Variants in SUMF1 observed in about 807,000 individuals in gnomAD.
SUMF1 encodes sulfatase modifying factor 1.
SUMF1 carries 48 observed loss-of-function variants against 47.6 expected under a neutral mutation model. That is an observed-to-expected ratio of 1.01 (90% CI 0.80 to 1.28). SUMF1 has a LOEUF of 1.28. Among genes scored for constraint, SUMF1 ranks in the 50% most tolerant of loss-of-function variants. SUMF1 has a pLI of 0.00. For missense variants in SUMF1, 571 were observed against 485.4 expected (o/e 1.18, Z -1.66); for synonymous variants, 230 against 192.1 (o/e 1.20, Z -1.63).
At chr3:4,401,785 T>C (rs1254658974) in intron 7 of SUMF1, among the ~76,000 whole-genome samples, 1 of 152,162 alleles carries the variant, frequency 6.6e-6, no homozygotes, top group Non-Finnish European at 1.5e-5. Flanking sequence ...CTTTTAATGG[T>C]TCTGTGATAA....
intron 9 of SUMF1, among the ~76,000 whole-genome samples, chr3:4,050,734 G>A (rs1283383051): frequency 2.4e-5 from 3 of 127,444 alleles, no homozygotes; most frequent in Non-Finnish European, 4.7e-5. Flanking sequence ...GGCAACCAGA[G>A]TGAGACCCTG....
At chr3:4,038,410 G>A (rs79869231) in intron 9 of SUMF1, among the ~76,000 whole-genome samples, 5,978 of 152,162 alleles carry the variant, frequency 0.039, 411 homozygotes, top group African/African-American at 0.14. Context: ...AGACACTTAC[G>A]GTCTTTGCTC....
At chr3:4,380,134 CTT>C (rs1307206895) in intron 7 of SUMF1, among the ~76,000 whole-genome samples, 1 of 151,804 alleles carries the variant, frequency 6.6e-6, no homozygotes, top group Non-Finnish European at 1.5e-5. Context: ...GCTCAAGAGT[CTT>C]GGGGATGCAT....
intron 8 of SUMF1, among the ~76,000 whole-genome samples, chr3:4,306,292 T>A (rs1698187528): frequency 6.6e-6 from 1 of 152,220 alleles, no homozygotes; most frequent in Non-Finnish European, 1.5e-5. Flanking sequence ...TATTTAAAAA[T>A]AAATTATATA....
chr3:4,061,011 T>C (rs562876179), intron 9 of SUMF1, among the ~76,000 whole-genome samples: 151 of 152,272 alleles, frequency 9.9e-4, no homozygotes, highest in African/African-American at 3.2e-3. Flanking sequence ...CTGTTTCCAA[T>C]ACTTTGTGGA....
At chr3:4,059,020 G>A (rs1574849471) in intron 9 of SUMF1, among the ~76,000 whole-genome samples, 1 of 152,102 alleles carries the variant, frequency 6.6e-6, no homozygotes, top group South Asian at 2.1e-4. Context: ...TCATTAGAGA[G>A]AATGAACAGC....
intron 8 of SUMF1, among the ~76,000 whole-genome samples, chr3:4,345,645 C>T (rs762735492): frequency 6.6e-6 from 1 of 152,076 alleles, no homozygotes; most frequent in African/African-American, 2.4e-5. Context: ...AAAATAACCA[C>T]ATAGTATCAT....
chr3:4,089,906 C>A (rs1401713589), intron 8 of SUMF1, among the ~76,000 whole-genome samples: 2 of 152,062 alleles, frequency 1.3e-5, no homozygotes, highest in East Asian at 1.9e-4. Context: ...CAGACTGGTT[C>A]CTTTGATCTA....
intron 8 of SUMF1, among the ~76,000 whole-genome samples, chr3:4,351,828 G>A (rs1699508534): frequency 6.6e-6 from 1 of 152,150 alleles, no homozygotes; most frequent in South Asian, 2.1e-4. Flanking sequence ...TGGATTTAAA[G>A]CAGGTCAAAG....
At chr3:4,231,129 T>C (rs1696289364) in intron 8 of SUMF1, among the ~76,000 whole-genome samples, 1 of 152,088 alleles carries the variant, frequency 6.6e-6, no homozygotes, top group Admixed American at 6.6e-5. Context: ...AGCGAAATTT[T>C]CCAGCCTGGA....
intron 3 of SUMF1, among the ~76,000 whole-genome samples, chr3:4,442,910 A>T (rs977774974): frequency 1.3e-5 from 2 of 151,990 alleles, no homozygotes; most frequent in African/African-American, 4.8e-5. Context: ...CAGCAGAACA[A>T]CATCCTTATG....
chr3:4,242,520 A>G (rs950646944), intron 8 of SUMF1, among the ~76,000 whole-genome samples: 5 of 152,174 alleles, frequency 3.3e-5, no homozygotes, highest in Non-Finnish European at 7.3e-5. Context: ...TTCTGCATCT[A>G]TTGAGATAAT....
chr3:4,094,110 T>A (rs1236769350), intron 8 of SUMF1, among the ~76,000 whole-genome samples: 2 of 151,998 alleles, frequency 1.3e-5, no homozygotes, highest in Non-Finnish European at 2.9e-5. Flanking sequence ...CTGGAGGAAG[T>A]AAGGTTTATG....
At chr3:4,325,302 C>T (rs1184958654) in intron 8 of SUMF1, among the ~76,000 whole-genome samples, 2 of 151,944 alleles carry the variant, frequency 1.3e-5, no homozygotes, top group African/African-American at 4.8e-5. Flanking sequence ...CTAGTATCCA[C>T]ATGGCTAGGA....
intron 8 of SUMF1, among the ~76,000 whole-genome samples, chr3:4,198,305 C>T (rs777681413): frequency 6.6e-6 from 1 of 152,068 alleles, no homozygotes; most frequent in Non-Finnish European, 1.5e-5. Flanking sequence ...CCTGCCATGT[C>T]TAAGTGTGTG....
At chr3:4,388,185 T>C (rs945971653) in intron 7 of SUMF1, among the ~76,000 whole-genome samples, 9 of 152,096 alleles carry the variant, frequency 5.9e-5, no homozygotes, top group Admixed American at 2.0e-4. Flanking sequence ...CCAACTAAAA[T>C]TGTGGATTAG....
At chr3:4,119,941 A>T (rs547848110) in intron 8 of SUMF1, among the ~76,000 whole-genome samples, 1 of 152,234 alleles carries the variant, frequency 6.6e-6, no homozygotes, top group African/African-American at 2.4e-5. Flanking sequence ...TCACTCCTTT[A>T]TACTTGAACT....
intron 7 of SUMF1, among the ~76,000 whole-genome samples, chr3:4,395,748 G>A (rs1701019534): frequency 1.3e-5 from 2 of 152,108 alleles, no homozygotes; most frequent in South Asian, 4.1e-4. Context: ...CTTATACCAC[G>A]GTGGCTCCTG....
At chr3:4,225,766 T>C (rs1476583186) in intron 8 of SUMF1, among the ~76,000 whole-genome samples, 1 of 152,018 alleles carries the variant, frequency 6.6e-6, no homozygotes, top group Non-Finnish European at 1.5e-5. Context: ...GTGCAAATAC[T>C]CAAAAATGCA....
Sources: allele counts gnomAD v4.1 joint callset (sites outside exome capture counted in the v4.1 genomes callset), GRCh38; gene constraint gnomAD v4.1.1; transcripts MANE v1.5; gene names NCBI Gene and HGNC (gene_info 2026-07-23, HGNC 2026-07-21).